The following NACA variants were observed in gnomAD, a reference collection of about 807,000 sequenced individuals.
The protein encoded by NACA is nascent polypeptide associated complex subunit alpha.
Under a neutral mutation model 86.4 loss-of-function variants are expected in NACA, and 42 were observed. The ratio of observed to expected loss-of-function variants is 0.49; its 90% CI spans 0.38 to 0.63. The LOEUF (loss-of-function observed/expected upper bound fraction) is 0.63, where lower values mean the gene tolerates loss of function less well. Among genes scored for constraint, NACA ranks in the 20% least tolerant of loss-of-function variants. The pLI, the probability that NACA is intolerant of heterozygous loss-of-function variation, is 0.00. For missense variants in NACA, 2,157 were observed against 2,483.6 expected, an observed-to-expected ratio of 0.87 and a Z score of 2.80; for synonymous variants, 898 against 973.7, an observed-to-expected ratio of 0.92 and a Z score of 1.45.
At chr12:56,714,242 A>T in intron 5 of NACA, 120 bp downstream of exon 5, 2 of 955,804 alleles carry the variant, frequency 2.1e-6, no homozygotes, top group Non-Finnish European at 3.2e-6. Flanking sequence ...AAAAATCACC[A>T]CTAGAGAACT....
rs769394015 is a variant in NACA at position 56,714,695 on chromosome 12, G to A, written c.5660-8C>T. 1 of 1,613,486 alleles carries A rather than the reference G, an allele frequency of 6.2e-7. No individual in the cohort carries two copies. The highest frequency in any genetic ancestry group is 8.5e-7 in the Non-Finnish European group (1 of 1,179,462). ...CAGATTCTGTTCCAGACCCTAAGAT[G>A]AGAAACAACTTTTACTGCTTTATAG... On this transcript the variant is annotated splice_polypyrimidine_tract_variant and splice_region_variant and intron_variant, in intron 3 of 8. Coordinates refer to ENST00000454682, the MANE Select transcript of NACA (RefSeq NM_001365896.1).
At chr12:56,712,678 G>A in intron 8 of NACA, 108 bp downstream of exon 8, 1 of 1,597,952 alleles carries the variant, frequency 6.3e-7, no homozygotes, top group Non-Finnish European at 8.6e-7. Flanking sequence ...CTCAGAAGAG[G>A]CTCTGGAATG....
At chr12:56,713,874 C>T in intron 5 of NACA, 191 bp from the exon 6 acceptor site, 2 of 593,588 alleles carry the variant, frequency 3.4e-6, no homozygotes, top group Non-Finnish European at 5.8e-6. Context: ...GCAGGTCTTG[C>T]TCTGTCGCCC....
At chr12:56,714,250 ACTTAC>A in intron 5 of NACA, 107 bp downstream of exon 5, 3 of 1,076,766 alleles carry the variant, frequency 2.8e-6, no homozygotes, top group Non-Finnish European at 4.1e-6. Context: ...CCACTAGAGA[ACTTAC>A]TTGTATAACC....
At position 56,720,617 on chromosome 12, in the gene NACA, G is replaced by A. The variant is rs755704118; in HGVS notation, c.913C>T (p.Leu305=). 6.2e-7 allele frequency: 1 copy of A among 1,614,012 alleles called. No individual in the cohort carries two copies. The highest frequency in any genetic ancestry group is 8.5e-7 in the Non-Finnish European group (1 of 1,179,908). Residue 305 remains leucine (L), a synonymous_variant, in exon 3 of 9, where the codon CTG becomes TTG. Coordinates refer to ENST00000454682, the MANE Select transcript of NACA (RefSeq NM_001365896.1). ...PNTPPDFPIS[L]GSHLAPLHQS... ...TGTAAAGGTGCAAGATGAGAGCCCA[G>A]AGAAATGGGAAAATCTGGGGGGGTG...
At position 56,717,178 on chromosome 12, in the gene NACA, G is replaced by C. The variant is rs553055862; in HGVS notation, c.4352C>G (p.Ala1451Gly). 3.8e-5 allele frequency: 49 copies of C among 1,298,118 alleles called. No individual in the cohort carries two copies. The highest frequency in any genetic ancestry group is 3.0e-4 in the Admixed American group (10 of 33,546). The allele number at this position is 1,298,118 out of a possible 1,614,324, so 80.4% of individuals were successfully genotyped here. A position where few individuals can be genotyped will look rare whatever the true frequency, so the allele number is the denominator to read the frequency against. ...TGGGGTAGCTGGGCCTCCTTTGGGG[G>C]CTGAAGTTGCTGGGGCCTTTTTGAG... ...VSLKKAPATS[A>G]PKGGPATPSS... Residue 1451 changes from alanine to glycine, a missense_variant, in exon 3 of 9, where the codon GCC becomes GGC. Ala to Gly is a moderately conservative substitution (Grantham distance 60, BLOSUM62 0). Coordinates refer to ENST00000454682, the MANE Select transcript of NACA (RefSeq NM_001365896.1).
In NACA at chr12:56,717,010, G is replaced by T; in HGVS notation, c.4520C>A (p.Ala1507Asp). ...CTCTTTGGGGGAAGAAGGAATCACAGCTGGCAGAGTGGGGGCCCCCATGGG... is the reference window on the plus strand; with the variant it reads ...CTCTTTGGGGGAAGAAGGAATCACATCTGGCAGAGTGGGGGCCCCCATGGG... ...PAPMGAPTLP[A>D]VIPSSPKEVP... The change falls in exon 3 of 9, where the codon GCT becomes GAT. Residue 1507 changes from alanine to aspartate, a missense_variant. By Grantham distance (126) the Ala-to-Asp change is moderately radical. This residue lies in a region of NACA where 797 missense variants were observed against 777.6 expected (regional missense o/e 1.02). Transcript: ENST00000454682. 1 of 1,282,952 alleles carries T rather than the reference G, an allele frequency of 7.8e-7. No individual in the cohort carries two copies. 79.5% of individuals were successfully genotyped at this position (1,282,952 alleles called of 1,614,324 possible). A position where few individuals can be genotyped will look rare whatever the true frequency, so the allele number is the denominator to read the frequency against.
Position 56,718,808 on chromosome 12 carries a change from C to T in NACA, c.2722G>A (p.Ala908Thr). 6.9e-7 allele frequency: 1 copy of T among 1,444,162 alleles called. No homozygotes were observed. The highest frequency in any genetic ancestry group is 9.3e-7 in the Non-Finnish European group (1 of 1,070,406). The allele number at this position is 1,444,162 out of a possible 1,614,324, so 89.5% of individuals were successfully genotyped here. A position where few individuals can be genotyped will look rare whatever the true frequency, so the allele number is the denominator to read the frequency against. The change falls in exon 3 of 9, where the codon GCT (alanine) becomes ACT (threonine). Residue 908 changes from alanine (A) to threonine (T), a missense_variant. Around this residue, in one of 8 missense-constraint regions of NACA, gnomAD observed 174 missense variants for 217.0 expected, o/e 0.80. Coordinates refer to ENST00000454682, the MANE Select transcript of NACA (RefSeq NM_001365896.1). The stretch of plus-strand genomic sequence containing the variant: ...GAAGAAGTCATGGATAGAGCAGGAG[C>T]CTGTTTGGGTGCTGGAGTAGCTGGA... ...EGPATPAPKQAPALSMTSSSP... is the reference protein window; with the variant it reads ...EGPATPAPKQTPALSMTSSSP...
chr12:56,716,186 G>C lies in NACA; in HGVS notation c.5344C>G (p.Leu1782Val). The change falls in exon 3 of 9, where the codon CTT (leucine) becomes GTT (valine). Residue 1782 changes from leucine (L) to valine (V), a missense_variant. Around this residue, in one of 8 missense-constraint regions of NACA, gnomAD observed 797 missense variants for 777.6 expected, o/e 1.02. Coordinates refer to ENST00000454682, the MANE Select transcript of NACA (RefSeq NM_001365896.1). ...ACAGATGCTGATTCAGGTTTAGGAA[G>C]GACCTTCTCAAAGGCAGCTGCTGTT... ...PLTAAAFEKV[L>V]PKPESASVSA... is the part of the protein sequence containing the mutation. 6.2e-7 allele frequency: 1 copy of C among 1,613,736 alleles called. No homozygotes were observed. Among genetic ancestry groups the C allele is most frequent in the African/African-American group, 1.3e-5 (1 of 75,038 alleles).
chr12:56,712,471 C>T lies in NACA; in HGVS notation c.*67G>A. The T allele has an allele frequency of 6.7e-7, 1 of 1,494,916 alleles. No individual in the cohort carries two copies. Among genetic ancestry groups the T allele is most frequent in the Non-Finnish European group, 9.2e-7 (1 of 1,081,306 alleles). The allele number at this position is 1,494,916 out of a possible 1,614,324, so 92.6% of individuals were successfully genotyped here. On this transcript the variant is annotated 3_prime_UTR_variant, in exon 9 of 9. Coordinates refer to ENST00000454682, the MANE Select transcript of NACA (RefSeq NM_001365896.1). The stretch of plus-strand genomic sequence containing the variant: ...GCCATAACTTTATTTATGATAGAAA[C>T]AGTACAAATTTCAAACCAAGCTGCA...
intron 2 of NACA, 93 bp downstream of exon 2, chr12:56,724,359 C>A: frequency 7.9e-7 from 1 of 1,270,918 alleles, no homozygotes; most frequent in Non-Finnish European, 1.1e-6. Context: ...CAACCCCATC[C>A]TCCTAAAAAG....
Position 56,717,644 on chromosome 12 carries a change from A to T in NACA, c.3886T>A (p.Ser1296Thr). 8.3e-7 allele frequency: 1 copy of T among 1,197,652 alleles called. No homozygotes were observed. Among genetic ancestry groups the T allele is most frequent in the Non-Finnish European group, 1.1e-6 (1 of 949,482 alleles). The allele number at this position is 1,197,652 out of a possible 1,614,324, so 74.2% of individuals were successfully genotyped here. The change falls in exon 3 of 9, where the codon TCT becomes ACT. Residue 1296 changes from serine to threonine, a missense_variant. Physicochemically the swap from Ser to Thr is moderately conservative, Grantham distance 58. Around this residue, in one of 8 missense-constraint regions of NACA, gnomAD observed 797 missense variants for 777.6 expected, o/e 1.02. Coordinates refer to ENST00000454682, the MANE Select transcript of NACA (RefSeq NM_001365896.1). Reference protein sequence around the residue: ...APNPAVVTPPSPKGGPATSPP... With the variant: ...APNPAVVTPPTPKGGPATSPP... ...GAGGTAGCTGGGCCTCCTTTTGGAG[A>T]GGGAGGAGTTACAACTGCGGGATTG...
In NACA at chr12:56,717,041, G is replaced by T; in HGVS notation, c.4489C>A (p.Pro1497Thr). The T allele has an allele frequency of 7.9e-7, 1 of 1,270,818 alleles. No homozygotes were observed. 78.7% of individuals were successfully genotyped at this position (1,270,818 alleles called of 1,614,324 possible). ...SSSPKKAPAT[P>T]APMGAPTLPA... The stretch of plus-strand genomic sequence containing the variant: ...AGAGTGGGGGCCCCCATGGGGGCTG[G>T]AGTTGCTGGGGCCTTTTTGGGAGAG... The change falls in exon 3 of 9, where the codon CCA becomes ACA. Residue 1497 changes from proline to threonine, a missense_variant. Coordinates refer to ENST00000454682, the MANE Select transcript of NACA (RefSeq NM_001365896.1).
chr12:56,719,881 C>A lies in NACA; in HGVS notation c.1649G>T (p.Gly550Val), dbSNP rs1487830895. The A allele has an allele frequency of 6.2e-7, 1 of 1,613,504 alleles. No homozygotes were observed. Among genetic ancestry groups the A allele is most frequent in the Non-Finnish European group, 8.5e-7 (1 of 1,179,810 alleles). Reference protein sequence around the residue: ...EGAPFSPAQAGLTTKKDPTVL... With the variant: ...EGAPFSPAQAVLTTKKDPTVL... ...AGTAGGGTCTTTCTTGGTGGTGAGT[C>A]CTGCTTGGGCTGGAGAGAAAGGGGC... The change falls in exon 3 of 9, where the codon GGA becomes GTA. Residue 550 changes from glycine (G) to valine (V), a missense_variant. Physicochemically the swap from Gly to Val is moderately radical, Grantham distance 109 (BLOSUM62 -3). Coordinates refer to ENST00000454682, the MANE Select transcript of NACA (RefSeq NM_001365896.1).
At chr12:56,724,744 C>G in intron 1 of NACA, 1 of 535,622 alleles carries the variant, frequency 1.9e-6, no homozygotes, top group East Asian at 3.3e-5. Context: ...ATTCTCAACC[C>G]GAGGGAGAGG....
At chr12:56,724,574 T>C (rs1362230756) in intron 1 of NACA, 51 bp from the exon 2 acceptor site, 2 of 1,560,354 alleles carry the variant, frequency 1.3e-6, no homozygotes, top group African/African-American at 2.7e-5. Context: ...ATACATTCAC[T>C]TGCCCAACCC....
At position 56,720,206 on chromosome 12, in the gene NACA, CA is replaced by C; in HGVS notation, c.1323del (p.Val442TrpfsTer2). On this transcript the variant is annotated frameshift_variant, in exon 3 of 9. Transcript: ENST00000454682. LOFTEE classifies it high-confidence loss of function. Reference protein sequence around the residue: ...MPVSSVGTTPLVVTNPCTIAA... With the variant: ...MPVSSVGTTPXVVTNPCTIAA... ...GCAATTGTACAGGGGTTAGTCACCA[CA>C]AGTGGGGTGGTTCCAACAGAAGAAA... is the stretch of plus-strand genomic sequence containing the variant. 1 of 1,613,854 alleles carries C rather than the reference CA, an allele frequency of 6.2e-7. No individual in the cohort carries two copies. The highest frequency in any genetic ancestry group is 1.7e-5 in the Admixed American group (1 of 59,998).
rs766602391 is a variant in NACA at position 56,720,073 on chromosome 12, G to A, written c.1457C>T (p.Ala486Val). ...AGAAGGCTCTTTGGGAGCCACAGGT[G>A]CCATAACCAAGGCAGCAGGGGAAGT... ...EPTSPAALVMAPVAPKEPSTQ... is the reference protein window; with the variant it reads ...EPTSPAALVMVPVAPKEPSTQ... Residue 486 changes from alanine to valine, a missense_variant, in exon 3 of 9, where the codon GCA becomes GTA. Coordinates refer to ENST00000454682, the MANE Select transcript of NACA (RefSeq NM_001365896.1). The A allele has an allele frequency of 1.3e-5, 21 of 1,613,830 alleles. No homozygotes were observed. Among genetic ancestry groups the A allele is most frequent in the Non-Finnish European group, 1.8e-5 (21 of 1,179,890 alleles).
rs1216205974 is a variant in NACA, at chr12:56,716,479, ACTT to A, written c.5048_5050del (p.Glu1683del). ...GCTTTCTGGAGCTGGGGCAACAAGT[ACTT>A]CTTTCAGAGCTGTGGGGCCTTTCTT... On this transcript the variant is annotated inframe_deletion, in exon 3 of 9. Transcript: ENST00000454682. 1.9e-6 allele frequency: 3 copies of A among 1,542,420 alleles called. No homozygotes were observed. The highest frequency in any genetic ancestry group is 1.7e-5 in the Admixed American group (1 of 57,580).
Sources: gnomAD v4.1 joint callset for allele counts on GRCh38, gnomAD v4.1.1 for gene constraint, gnomAD v4.1.1 regional missense constraint, MANE v1.5 for transcripts, NCBI Gene and HGNC (gene_info 2026-07-23, HGNC 2026-07-21) for gene names.